AOPEP: variants seen among roughly 807,000 people sequenced by gnomAD.
The protein encoded by AOPEP is aminopeptidase O (putative).
Under a neutral mutation model 98.1 loss-of-function variants are expected in AOPEP, and 77 were observed. The observed-to-expected ratio is 0.78, with a 90% CI of 0.65 to 0.95. AOPEP has a LOEUF of 0.95. Ranked by LOEUF, AOPEP falls within the 40% of genes least tolerant of loss-of-function variation. AOPEP has a pLI of 0.00. For missense variants in AOPEP, 1,024 were observed against 1,024.7 expected (o/e 1.00, Z 0.01); for synonymous variants, 346 against 365.3 (o/e 0.95, Z 0.60).
At chr9:94,850,061 A>G (rs1035035263) in intron 5 of AOPEP, among the ~76,000 whole-genome samples, 10 of 150,272 alleles carry the variant, frequency 6.7e-5, no homozygotes, top group Non-Finnish European at 8.9e-5. Flanking sequence ...AGACTATCTA[A>G]TGCTGCTGCT....
chr9:95,120,416 CTTTTT>C, the AOPEP span, among the ~76,000 whole-genome samples: 8 of 138,618 alleles, frequency 5.8e-5, no homozygotes, highest in Admixed American at 2.2e-4. Flanking sequence ...CTTTTAAAAT[CTTTTT>C]TTTTTTTTTT....
In AOPEP at chr9:95,078,970, G is replaced by A. The variant is rs573985521; in HGVS notation, c.2233-1724G>A. 5.3e-5 allele frequency among the ~76,000 whole-genome samples: 8 copies of A among 152,286 alleles called. No homozygotes were observed. In the East Asian group the frequency reaches 5.8e-4, roughly 11 times the overall value. On this transcript the variant is annotated intron_variant, in intron 14 of 16. Transcript: ENST00000375315. ...GGGACTCTTTCTTGTATAGTGTGTC[G>A]TTAATTTCTGTTGGCTGTACAGGAA... is the stretch of plus-strand genomic sequence containing the variant.
chr9:94,974,606 A>C lies in AOPEP; in HGVS notation c.1917-4761A>C, dbSNP rs552566063. Among the ~76,000 whole-genome samples, 3 of 152,336 alleles carry C rather than the reference A, an allele frequency of 2.0e-5. No homozygotes were observed. The East Asian group carries it at 5.8e-4, about 29-fold the overall frequency. Reference sequence around the variant, plus strand: ...CCCAAGGGTCTCCTGATCTCTTCAGAAATGTAACCGAAGGGTTGACAAACA... The same window carrying C: ...CCCAAGGGTCTCCTGATCTCTTCAGCAATGTAACCGAAGGGTTGACAAACA... On this transcript the variant is annotated intron_variant, in intron 10 of 16. Coordinates refer to ENST00000375315, the MANE Select transcript of AOPEP (RefSeq NM_001193329.3).
At chr9:94,799,332 A>T (rs1029301415) in intron 4 of AOPEP, among the ~76,000 whole-genome samples, 1 of 151,920 alleles carries the variant, frequency 6.6e-6, no homozygotes, top group Admixed American at 6.6e-5. Context: ...AGGCAGGAGG[A>T]TCATTTGAAG....
intron 5 of AOPEP, among the ~76,000 whole-genome samples, chr9:94,888,294 C>CGTGTGTGTGTGTGTGTGTGTGTGTGTGT (rs59342995): frequency 7.3e-6 from 1 of 137,590 alleles, no homozygotes; most frequent in Non-Finnish European, 1.6e-5. Context: ...AGAACCTTAC[C>CGTGTGTGTGTGTGTGTGTGTGTGTGTGT]GTGTGTGTGT....
intron 5 of AOPEP, among the ~76,000 whole-genome samples, chr9:94,828,086 T>G (rs952501254): frequency 9.9e-5 from 15 of 152,254 alleles, no homozygotes; most frequent in African/African-American, 3.6e-4. Flanking sequence ...GTGGTTGTGG[T>G]CAGCACGGGG....
At chr9:94,967,032 G>A (rs1309371031) in intron 9 of AOPEP, among the ~76,000 whole-genome samples, 1 of 152,182 alleles carries the variant, frequency 6.6e-6, no homozygotes, top group Admixed American at 6.5e-5. Context: ...AAGAGGGAAA[G>A]TGGATAGGGC....
intron 14 of AOPEP, among the ~76,000 whole-genome samples, chr9:95,078,837 G>A (rs75865743): frequency 0.012 from 1,812 of 152,344 alleles, 38 homozygotes; most frequent in African/African-American, 0.041. Context: ...GGGCAGTTTG[G>A]GTTCTCCACA....
Position 94,924,171 on chromosome 9 carries a change from A to G in AOPEP, c.1550A>G (p.Gln517Arg), listed in dbSNP as rs2053986808. The G allele has an allele frequency of 1.4e-6, 2 of 1,394,382 alleles. No individual in the cohort carries two copies. The highest frequency in any genetic ancestry group is 1.9e-6 in the Non-Finnish European group (2 of 1,064,538). 86.4% of individuals were successfully genotyped at this position (1,394,382 alleles called of 1,614,324 possible). A position where few individuals can be genotyped will look rare whatever the true frequency, so the allele number is the denominator to read the frequency against. The change falls in exon 6 of 17, where the codon CAG (glutamine) becomes CGG (arginine). Residue 517 changes from glutamine (Q) to arginine (R), a missense_variant. Gln to Arg is a conservative substitution (Grantham distance 43). Coordinates refer to ENST00000375315, the MANE Select transcript of AOPEP (RefSeq NM_001193329.3). ...HLEDVFWATAQQLAPYEAREQ... is the reference protein window; with the variant it reads ...HLEDVFWATARQLAPYEAREQ... ...GAGGATGTGTTTTGGGCCACAGCAC[A>G]GCAGGTGGGTTAAAGTGACCCTAAG...
chr9:94,908,949 A>G (rs1331903029), intron 5 of AOPEP, among the ~76,000 whole-genome samples: 1 of 152,172 alleles, frequency 6.6e-6, no homozygotes, highest in Admixed American at 6.5e-5. Flanking sequence ...TTCTCCTAGT[A>G]TGTTTTGAGG....
At chr9:95,001,552 A>C (rs1048121182) in intron 11 of AOPEP, among the ~76,000 whole-genome samples, 1 of 152,220 alleles carries the variant, frequency 6.6e-6, no homozygotes, top group Non-Finnish European at 1.5e-5. Context: ...CTTCATTGGC[A>C]TCAGCCTGTG....
the AOPEP span, among the ~76,000 whole-genome samples, chr9:95,095,748 C>T: frequency 2.6e-5 from 4 of 152,190 alleles, no homozygotes; most frequent in East Asian, 2.0e-4. Flanking sequence ...CCTTGGGTCC[C>T]GCCCCCTCTT....
intron 5 of AOPEP, among the ~76,000 whole-genome samples, chr9:94,866,551 G>C (rs2045727192): frequency 6.6e-6 from 1 of 152,088 alleles, no homozygotes; most frequent in African/African-American, 2.4e-5. Flanking sequence ...TCTAAAATTT[G>C]AAGGTAGCTT....
intron 1 of AOPEP, among the ~76,000 whole-genome samples, chr9:94,740,980 A>G (rs901695573): frequency 1.3e-5 from 2 of 152,206 alleles, no homozygotes; most frequent in Non-Finnish European, 2.9e-5. Context: ...CTGGTGAGGA[A>G]AGTTTCACAG....
At chr9:94,838,440 A>G (rs887469734) in intron 5 of AOPEP, among the ~76,000 whole-genome samples, 1 of 152,200 alleles carries the variant, frequency 6.6e-6, no homozygotes, top group Non-Finnish European at 1.5e-5. Flanking sequence ...CATCTCTTCC[A>G]TTGATTTCTG....
intron 5 of AOPEP, chr9:94,904,568 A>G (rs2050871710): frequency 6.6e-6 from 1 of 152,126 alleles, no homozygotes; most frequent in Non-Finnish European, 1.5e-5. Context: ...AGAATGTCCT[A>G]TTACATATTT....
At position 94,930,689 on chromosome 9, in the gene AOPEP, T is replaced by C. The variant is rs1219346979; in HGVS notation, c.1661+2158T>C. Among the ~76,000 whole-genome samples, 7 of 151,518 alleles carry C rather than the reference T, an allele frequency of 4.6e-5. No homozygotes were observed. Among genetic ancestry groups the C allele is most frequent in the Non-Finnish European group, 1.0e-4 (7 of 67,898 alleles). ...GGCAAGCAGGTGGGAGTGGCTGATG[T>C]TGGAAGCTGCCTGGGGGATGAAGAG... On this transcript the variant is annotated intron_variant, in intron 7 of 16. Transcript: ENST00000375315. This position sits in a 1 kb window ranked among gnomAD's most constrained non-coding sequence, Gnocchi z 4.5.
intron 5 of AOPEP, among the ~76,000 whole-genome samples, chr9:94,858,249 C>T (rs1401906748): frequency 1.3e-5 from 2 of 152,140 alleles, no homozygotes; most frequent in Non-Finnish European, 2.9e-5. Context: ...AAATATCTGG[C>T]GCTGTACAGA....
At chr9:94,838,200 G>C (rs747259765) in intron 5 of AOPEP, among the ~76,000 whole-genome samples, 7 of 152,078 alleles carry the variant, frequency 4.6e-5, no homozygotes, top group Non-Finnish European at 1.0e-4. Context: ...TAGTAGAGAT[G>C]GGGTTTCACT....
Sources: allele counts gnomAD v4.1 joint callset (sites outside exome capture counted in the v4.1 genomes callset), GRCh38; gene constraint gnomAD v4.1.1; non-coding constraint Gnocchi (gnomAD v3.1); transcripts MANE v1.5; gene names NCBI Gene and HGNC (gene_info 2026-07-23, HGNC 2026-07-21).